KAT2B: variants seen among roughly 807,000 people sequenced by gnomAD.
KAT2B encodes histone acetyltransferase KAT2B.
A neutral mutation model predicts 105.9 loss-of-function variants in KAT2B; 36 were observed. That is an observed-to-expected ratio of 0.34 (90% CI 0.26 to 0.45). KAT2B has a LOEUF of 0.45. KAT2B is among the 20% of genes least tolerant of loss of function. The pLI is 1.00. For synonymous variants in KAT2B, 397 were observed against 377.9 expected, an observed-to-expected ratio of 1.05 and a Z score of -0.59; for missense variants, 820 against 1,021.6, an observed-to-expected ratio of 0.80 and a Z score of 2.69.
Position 20,134,607 on chromosome 3 carries a change from C to T in KAT2B, c.1750-2335C>T, listed in dbSNP as rs184771785. Reference sequence around the variant, plus strand: ...TATTTTTAGTAGAGATGGGGTTTCACCATGTTGTTCAGGATGGTCTCGATC... The same window carrying T: ...TATTTTTAGTAGAGATGGGGTTTCATCATGTTGTTCAGGATGGTCTCGATC... On this transcript the variant is annotated intron_variant, in intron 11 of 17. Coordinates refer to ENST00000263754, the MANE Select transcript of KAT2B (RefSeq NM_003884.5). Among the ~76,000 whole-genome samples the T allele has an allele frequency of 6.0e-3, 910 of 152,226 alleles. 15 individuals are homozygous for T. The highest frequency in any genetic ancestry group is 0.02 in the African/African-American group (835 of 41,516).
At chr3:20,099,743 CTGTG>C in intron 3 of KAT2B, 115 bp from the exon 4 acceptor site, 13 of 531,158 alleles carry the variant, frequency 2.4e-5, no homozygotes, top group South Asian at 8.1e-5. Flanking sequence ...CCTTTAAAGG[CTGTG>C]TGTGTGTGTG....
At position 20,127,440 on chromosome 3, in the gene KAT2B, C is replaced by T. The variant is rs774376560; in HGVS notation, c.1640C>T (p.Ala547Val). The part of the protein sequence containing the change: ...LVFDPKHKTL[A>V]LIKDGRVIGG... Reference sequence around the variant, plus strand: ...TCTTTCAGGAAACACAAAACCCTTGCTTTAATTAAAGATGGCCGTGTTATT... The same window carrying T: ...TCTTTCAGGAAACACAAAACCCTTGTTTTAATTAAAGATGGCCGTGTTATT... The change falls in exon 11 of 18, where the codon GCT becomes GTT. Residue 547 changes from alanine to valine, a missense_variant. By Grantham distance (64) the Ala-to-Val change is moderately conservative (BLOSUM62 0). This residue lies in a region of KAT2B where 225 missense variants were observed against 268.1 expected (regional missense o/e 0.84). Coordinates refer to ENST00000263754, the MANE Select transcript of KAT2B (RefSeq NM_003884.5). 16 of 1,612,778 alleles carry T rather than the reference C, an allele frequency of 9.9e-6. No individual in the cohort carries two copies. The Middle Eastern group carries it at 4.9e-4, about 50-fold the overall frequency.
chr3:20,083,266 A>G (rs1286126723), intron 2 of KAT2B, among the ~76,000 whole-genome samples: 1 of 149,196 alleles, frequency 6.7e-6, no homozygotes, highest in Non-Finnish European at 1.5e-5. Flanking sequence ...TTTTAATAAT[A>G]TGCTCCTAGA....
intron 2 of KAT2B, among the ~76,000 whole-genome samples, chr3:20,088,166 A>G (rs1178819025): frequency 1.3e-5 from 2 of 152,180 alleles, no homozygotes; most frequent in Non-Finnish European, 2.9e-5. Context: ...GTGGACACTT[A>G]GGTAAATTCC....
chr3:20,136,460 G>C (rs1334413191), intron 11 of KAT2B, among the ~76,000 whole-genome samples: 1 of 152,046 alleles, frequency 6.6e-6, no homozygotes, highest in Non-Finnish European at 1.5e-5. Flanking sequence ...TCTTTAGAAG[G>C]GTTGCCAGTT....
intron 1 of KAT2B, among the ~76,000 whole-genome samples, chr3:20,047,719 TTGCC>T (rs1697839871): frequency 6.6e-6 from 1 of 151,122 alleles, no homozygotes; most frequent in African/African-American, 2.4e-5. Context: ...TTCAAGCAAT[TTGCC>T]TGCCTCAGCC....
intron 1 of KAT2B, among the ~76,000 whole-genome samples, chr3:20,045,587 G>C (rs1697795805): frequency 6.6e-6 from 1 of 151,992 alleles, no homozygotes; most frequent in East Asian, 1.9e-4. Context: ...AAATCTTCTT[G>C]AATTAAAGTA....
chr3:20,137,613 T>A (rs1699624950), intron 12 of KAT2B: 1 of 154,680 alleles, frequency 6.5e-6, no homozygotes, highest in African/African-American at 2.4e-5. Context: ...CTCAGTTCAC[T>A]GCAGCCTTGA....
intron 11 of KAT2B, among the ~76,000 whole-genome samples, chr3:20,133,466 C>G (rs893541730): frequency 6.6e-6 from 1 of 152,156 alleles, no homozygotes; most frequent in African/African-American, 2.4e-5. Flanking sequence ...AGAACATTTC[C>G]ATAATTGCAG....
chr3:20,121,300 A>G (rs1699303406), intron 8 of KAT2B, among the ~76,000 whole-genome samples: 1 of 152,246 alleles, frequency 6.6e-6, no homozygotes, highest in Non-Finnish European at 1.5e-5. Context: ...GGAGAATGTT[A>G]TATTGAGATA....
chr3:20,051,651 AGG>A (rs1196120846), intron 1 of KAT2B, among the ~76,000 whole-genome samples: 1 of 152,226 alleles, frequency 6.6e-6, no homozygotes, highest in Non-Finnish European at 1.5e-5. Context: ...CTACTTGCTG[AGG>A]CCATTAAATG....
At chr3:20,069,823 C>T (rs1402047684) in intron 1 of KAT2B, among the ~76,000 whole-genome samples, 1 of 152,154 alleles carries the variant, frequency 6.6e-6, no homozygotes, top group Non-Finnish European at 1.5e-5. Context: ...GCCACTGCGC[C>T]CGGCCAAGCT....
intron 14 of KAT2B, among the ~76,000 whole-genome samples, chr3:20,147,381 T>C (rs1699798489): frequency 6.6e-6 from 1 of 151,970 alleles, no homozygotes; most frequent in Non-Finnish European, 1.5e-5. Context: ...CATTAACTAC[T>C]CTCAACAGGG....
intron 2 of KAT2B, among the ~76,000 whole-genome samples, chr3:20,077,917 G>A (rs1040687257): frequency 6.6e-6 from 1 of 152,192 alleles, no homozygotes; most frequent in African/African-American, 2.4e-5. Flanking sequence ...GCTCACACCT[G>A]TAATCCTAGC....
chr3:20,148,043 T>C (rs899216493), intron 15 of KAT2B, 44 bp downstream of exon 15: 16 of 1,589,250 alleles, frequency 1.0e-5, no homozygotes, highest in African/African-American at 1.4e-5. Context: ...GTGATTTTTT[T>C]TTTTCCCCAC....
chr3:20,116,146 G>C (rs1699203467), intron 7 of KAT2B, among the ~76,000 whole-genome samples: 1 of 151,518 alleles, frequency 6.6e-6, no homozygotes, highest in African/African-American at 2.4e-5. Flanking sequence ...GTAGTGCTTT[G>C]GGGCCTGTCT....
At chr3:20,145,588 G>A (rs2661377) in intron 13 of KAT2B, among the ~76,000 whole-genome samples, 10,429 of 118,578 alleles carry the variant, frequency 0.088, 439 homozygotes, top group Middle Eastern at 0.13. Flanking sequence ...TTATTAAAGG[G>A]ATAACCTCAC....
At chr3:20,127,651 G>A in intron 11 of KAT2B, 102 bp downstream of exon 11, 1 of 1,157,728 alleles carries the variant, frequency 8.6e-7, no homozygotes, top group Non-Finnish European at 1.2e-6. Context: ...TCCAGAGAAG[G>A]TTCAAAGTGG....
At chr3:20,061,826 AATATATAATATACATAAAAT>A (rs1262301462) in intron 1 of KAT2B, among the ~76,000 whole-genome samples, 1 of 89,310 alleles carries the variant, frequency 1.1e-5, no homozygotes, top group Non-Finnish European at 2.5e-5. Flanking sequence ...TAAAGTATAT[AATATATAATATACATAAAAT>A]ATATATAATA....
Sources: gnomAD v4.1 joint callset for allele counts (sites outside exome capture counted in the v4.1 genomes callset) on GRCh38, gnomAD v4.1.1 for gene constraint, gnomAD v4.1.1 regional missense constraint, MANE v1.5 for transcripts, NCBI Gene and HGNC (gene_info 2026-07-23, HGNC 2026-07-21) for gene names.